ADGRG6: variants seen among roughly 807,000 people sequenced by gnomAD.
ADGRG6 encodes the protein adhesion G protein-coupled receptor G6.
A neutral mutation model predicts 142.4 loss-of-function variants in ADGRG6; 84 were observed. The ratio of observed to expected loss-of-function variants is 0.59; its 90% CI spans 0.49 to 0.71. The LOEUF (loss-of-function observed/expected upper bound fraction) is 0.71, where lower values mean the gene tolerates loss of function less well. Among genes scored for constraint, ADGRG6 ranks in the 30% least tolerant of loss-of-function variants. ADGRG6 has a pLI of 0.00. For synonymous variants in ADGRG6, 521 were observed against 520.5 expected, an observed-to-expected ratio of 1.00 and a Z score of -0.01; for missense variants, 1,367 against 1,466.6, an observed-to-expected ratio of 0.93 and a Z score of 1.11.
rs1027866377 is a variant in ADGRG6, at chr6:142,342,644, A to G, written c.104-24925A>G. Among the ~76,000 whole-genome samples, 12 of 152,182 alleles carry G rather than the reference A, an allele frequency of 7.9e-5. No homozygotes were observed. The East Asian group carries it at 9.6e-4, about 12-fold the overall frequency. On this transcript the variant is annotated intron_variant, in intron 2 of 24. Coordinates refer to ENST00000367609, the MANE Select transcript of ADGRG6 (RefSeq NM_198569.3). ...CCACGAGGCTGACAGTAGCATTCCAATGCTCTCTTGTGAGCTTTTTAAAAC... is the reference window on the plus strand; with the variant it reads ...CCACGAGGCTGACAGTAGCATTCCAGTGCTCTCTTGTGAGCTTTTTAAAAC...
intron 4 of ADGRG6, among the ~76,000 whole-genome samples, chr6:142,380,142 A>G (rs192142392): frequency 7.0e-4 from 107 of 152,314 alleles, no homozygotes; most frequent in African/African-American, 2.2e-3. Context: ...GGTTGTGGAT[A>G]CCAAGATTTT....
At position 142,420,077 on chromosome 6, in the gene ADGRG6, C is replaced by G; in HGVS notation, c.3292C>G (p.Leu1098Val). ...ACCCTTAAATATCCCCTTCATGTAC[C>G]TCTTCTCCATCTTCAATTCATTACA... is the stretch of plus-strand genomic sequence containing the variant. ...WGPLNIPFMY[L>V]FSIFNSLQGL... Residue 1098 changes from leucine (L) to valine (V), a missense_variant, in exon 22 of 25, where the codon CTC (leucine) becomes GTC (valine). This residue lies in a region of ADGRG6 where 344 missense variants were observed against 348.7 expected (regional missense o/e 0.99). Coordinates refer to ENST00000367609, the MANE Select transcript of ADGRG6 (RefSeq NM_198569.3). 1.2e-6 allele frequency: 2 copies of G among 1,612,310 alleles called. No homozygotes were observed. Among genetic ancestry groups the G allele is most frequent in the Non-Finnish European group, 1.7e-6 (2 of 1,178,606 alleles).
intron 2 of ADGRG6, among the ~76,000 whole-genome samples, chr6:142,338,017 GTTTTTTTTTT>G (rs1181314373): frequency 2.5e-4 from 9 of 35,392 alleles, no homozygotes; most frequent in East Asian, 1.1e-3. Context: ...TTGTATCTTT[GTTTTTTTTTT>G]TTTTTTTTTT....
chr6:142,425,021 G>A (rs577861471), intron 22 of ADGRG6, among the ~76,000 whole-genome samples: 9 of 152,242 alleles, frequency 5.9e-5, no homozygotes, highest in Admixed American at 2.6e-4. Context: ...TGATTACAGT[G>A]TATATTCAAG....
At chr6:142,422,368 T>C (rs945845649) in intron 22 of ADGRG6, among the ~76,000 whole-genome samples, 1 of 152,070 alleles carries the variant, frequency 6.6e-6, no homozygotes, top group Non-Finnish European at 1.5e-5. Flanking sequence ...CCTGTGTCCA[T>C]GTGATCTCAT....
chr6:142,345,312 A>G (rs909579249), intron 2 of ADGRG6, among the ~76,000 whole-genome samples: 3 of 152,082 alleles, frequency 2.0e-5, no homozygotes, highest in Non-Finnish European at 1.5e-5. Flanking sequence ...AACATATCGT[A>G]ATATCTTTGG....
intron 2 of ADGRG6, among the ~76,000 whole-genome samples, chr6:142,346,097 A>G (rs1779886476): frequency 6.6e-6 from 1 of 152,120 alleles, no homozygotes; most frequent in Non-Finnish European, 1.5e-5. Context: ...TAGGAAGGCT[A>G]ATAAAACCTT....
chr6:142,333,447 G>A (rs980778934), intron 2 of ADGRG6, among the ~76,000 whole-genome samples: 2 of 152,196 alleles, frequency 1.3e-5, no homozygotes, highest in Non-Finnish European at 2.9e-5. Context: ...TGATATTAAT[G>A]TGTGGTGTAG....
intron 24 of ADGRG6, among the ~76,000 whole-genome samples, chr6:142,442,553 G>A (rs1208497637): frequency 6.6e-6 from 1 of 151,878 alleles, no homozygotes; most frequent in East Asian, 1.9e-4. Flanking sequence ...ACTATCAGTT[G>A]CTATAATATT....
In ADGRG6 at chr6:142,415,055, T is replaced by A. The variant is rs1483331644; in HGVS notation, c.2628T>A (p.Ala876=). 16 of 1,612,280 alleles carry A rather than the reference T, an allele frequency of 9.9e-6. No homozygotes were observed. The East Asian group carries it at 3.6e-4, about 36-fold the overall frequency. Residue 876 remains alanine (A), a synonymous_variant, in exon 19 of 25, where the codon GCT becomes GCA. Coordinates refer to ENST00000367609, the MANE Select transcript of ADGRG6 (RefSeq NM_198569.3). ...FISYIGCGIS[A]IFSAATLLTY... is the part of the protein sequence containing the mutation. ...GCTATATTGGGTGTGGAATATCTGC[T>A]ATTTTTTCAGCAGCAACTCTCCTGA...
At chr6:142,328,771 C>T (rs911996480) in intron 2 of ADGRG6, among the ~76,000 whole-genome samples, 2 of 152,064 alleles carry the variant, frequency 1.3e-5, no homozygotes, top group African/African-American at 4.8e-5. Context: ...TCTGGGGTAG[C>T]GCTCATTGAC....
rs1448794714 is a variant in ADGRG6 at position 142,367,847 on chromosome 6, C to T, written c.382C>T (p.His128Tyr). The change falls in exon 3 of 25, where the codon CAT becomes TAT. Residue 128 changes from histidine (H) to tyrosine (Y), a missense_variant. By Grantham distance (83) the His-to-Tyr change is moderately conservative. Coordinates refer to ENST00000367609, the MANE Select transcript of ADGRG6 (RefSeq NM_198569.3). ...LSFNSSANEM[H>Y]VSFSSDFSIQ... ...ATTTAACTCAAGTGCGAATGAGATGCATGTGTCCTTTTCAAGTGACTTTAG... is the reference window on the plus strand; with the variant it reads ...ATTTAACTCAAGTGCGAATGAGATGTATGTGTCCTTTTCAAGTGACTTTAG... 25 of 1,613,526 alleles carry T rather than the reference C, an allele frequency of 1.5e-5. No homozygotes were observed. The highest frequency in any genetic ancestry group is 2.1e-5 in the Non-Finnish European group (25 of 1,179,708).
chr6:142,400,816 T>G (rs1017951623), intron 11 of ADGRG6: 7 of 446,972 alleles, frequency 1.6e-5, no homozygotes, highest in Non-Finnish European at 2.8e-5. Context: ...ATCAAGCCCT[T>G]TCACAGAAAA....
intron 22 of ADGRG6, 48 bp from the exon 23 acceptor site, chr6:142,437,386 T>G (rs779262426): frequency 2.3e-6 from 2 of 853,844 alleles, no homozygotes; most frequent in Non-Finnish European, 3.9e-6. Context: ...GATTTCTCTT[T>G]AAAGATGTGT....
chr6:142,421,349 A>G (rs1271419875), intron 22 of ADGRG6, among the ~76,000 whole-genome samples: 1 of 152,200 alleles, frequency 6.6e-6, no homozygotes, highest in Non-Finnish European at 1.5e-5. Flanking sequence ...TTGTCTTATA[A>G]CAAAGGAAGT....
At chr6:142,362,500 G>C (rs547448162) in intron 2 of ADGRG6, among the ~76,000 whole-genome samples, 2 of 152,178 alleles carry the variant, frequency 1.3e-5, no homozygotes, top group African/African-American at 2.4e-5. Context: ...CTCAAGTGTA[G>C]AAATGCTATT....
chr6:142,431,095 T>G (rs1345348740), intron 22 of ADGRG6, among the ~76,000 whole-genome samples: 1 of 81,648 alleles, frequency 1.2e-5, no homozygotes, highest in East Asian at 2.5e-4. Context: ...ACAATTACAG[T>G]TTTTTTTTTT....
intron 2 of ADGRG6, among the ~76,000 whole-genome samples, chr6:142,327,745 C>T (rs575449739): frequency 1.3e-5 from 2 of 152,182 alleles, no homozygotes; most frequent in African/African-American, 4.8e-5. Context: ...CACTTTTTTA[C>T]AAATCTTTTG....
intron 1 of ADGRG6, among the ~76,000 whole-genome samples, chr6:142,303,029 A>G (rs2114468613): frequency 6.6e-6 from 1 of 152,182 alleles, no homozygotes; most frequent in South Asian, 2.1e-4. Flanking sequence ...GCGCACAGCG[A>G]CCCCATGAAA....
Sources: gnomAD v4.1 joint callset for allele counts (sites outside exome capture counted in the v4.1 genomes callset) on GRCh38, gnomAD v4.1.1 for gene constraint, gnomAD v4.1.1 regional missense constraint, MANE v1.5 for transcripts, NCBI Gene and HGNC (gene_info 2026-07-23, HGNC 2026-07-21) for gene names.